The following CACNA1E variants were observed in gnomAD, a reference collection of about 807,000 sequenced individuals.
The protein encoded by CACNA1E is calcium voltage-gated channel subunit alpha1 E, also known as voltage-dependent R-type calcium channel subunit alpha-1E.
In CACNA1E, 40 loss-of-function variants were observed where a neutral mutation model predicts 259.2. The ratio of observed to expected loss-of-function variants is 0.15; its 90% CI spans 0.12 to 0.20. The LOEUF (loss-of-function observed/expected upper bound fraction) is 0.20. Among genes scored for constraint, CACNA1E ranks in the 10% least tolerant of loss-of-function variants. CACNA1E has a pLI of 1.00. For synonymous variants in CACNA1E, 1,104 were observed against 1,138.5 expected (o/e 0.97, Z 0.61); for missense variants, 1,874 against 3,040.1 (o/e 0.62, Z 9.02).
intron 1 of CACNA1E, among the ~76,000 whole-genome samples, chr1:181,377,340 G>A (rs1655173912): frequency 6.6e-6 from 1 of 152,160 alleles, no homozygotes; most frequent in Non-Finnish European, 1.5e-5. Context: ...GATTGTGTGA[G>A]CAAAGGCCAG....
chr1:181,693,537 A>G, intron 7 of CACNA1E, among the ~76,000 whole-genome samples: 1 of 152,222 alleles, frequency 6.6e-6, no homozygotes, highest in Non-Finnish European at 1.5e-5. Context: ...CATTAACTTA[A>G]GTGAATTAAT....
chr1:181,513,887 G>T (rs992810219), intron 3 of CACNA1E, among the ~76,000 whole-genome samples: 1 of 152,126 alleles, frequency 6.6e-6, no homozygotes, highest in South Asian at 2.1e-4. Context: ...CCTTCTTAGT[G>T]GCTCTTCAGA....
At chr1:181,720,671 G>A in intron 14 of CACNA1E, 112 bp from the exon 15 acceptor site, 1 of 716,976 alleles carries the variant, frequency 1.4e-6, no homozygotes, top group Non-Finnish European at 2.5e-6. Context: ...TAGGGAAGAG[G>A]GGGGTTGTAG....
At chr1:181,777,770 C>T (rs368343398) in intron 38 of CACNA1E, among the ~76,000 whole-genome samples, 4 of 152,256 alleles carry the variant, frequency 2.6e-5, no homozygotes, top group Admixed American at 1.3e-4. Context: ...AATAACCACA[C>T]GGGAATGCTA....
At chr1:181,620,363 T>C (rs1043249550) in intron 6 of CACNA1E, among the ~76,000 whole-genome samples, 2 of 152,214 alleles carry the variant, frequency 1.3e-5, no homozygotes, top group African/African-American at 4.8e-5. Flanking sequence ...TAAACTCACC[T>C]GGATAATGTC....
At chr1:181,530,260 C>A (rs1171893936) in intron 3 of CACNA1E, among the ~76,000 whole-genome samples, 1 of 152,208 alleles carries the variant, frequency 6.6e-6, no homozygotes, top group Non-Finnish European at 1.5e-5. Context: ...TCTGAGGCCT[C>A]CCCAGCCATG....
rs1046420005 is a variant in CACNA1E, at chr1:181,325,645, A to T, written c.-15+7522A>T. Among the ~76,000 whole-genome samples the T allele has an allele frequency of 2.7e-5, 4 of 150,630 alleles. No homozygotes were observed. The Middle Eastern group carries it at 0.014, about 516-fold the overall frequency. On this transcript the variant is annotated intron_variant, in intron 1 of 11. Coordinates refer to the CACNA1E transcript ENST00000524607. ...TGCCAGAAACTAGTTTTTTATTTTT[A>T]TTTATTTATTTATTTATTTTTAAAT...
At chr1:181,529,720 G>T (rs1558092450) in intron 3 of CACNA1E, among the ~76,000 whole-genome samples, 1 of 152,210 alleles carries the variant, frequency 6.6e-6, no homozygotes, top group South Asian at 2.1e-4. Context: ...TTTCGGATTT[G>T]CATGGGCCCT....
chr1:181,755,903 T>A, intron 28 of CACNA1E, 53 bp from the exon 29 acceptor site: 1 of 1,574,322 alleles, frequency 6.4e-7, no homozygotes, highest in Non-Finnish European at 8.7e-7. Context: ...CTGACTCTTC[T>A]GTAGAATGAG....
chr1:181,461,419 T>C (rs1269586108), intron 2 of CACNA1E, among the ~76,000 whole-genome samples: 3 of 151,286 alleles, frequency 2.0e-5, no homozygotes, highest in Non-Finnish European at 2.9e-5. Flanking sequence ...CGGGCGCCTG[T>C]AGACCCAGCT....
At chr1:181,656,886 G>A (rs896656212) in intron 7 of CACNA1E, among the ~76,000 whole-genome samples, 1 of 152,076 alleles carries the variant, frequency 6.6e-6, no homozygotes, top group African/African-American at 2.4e-5. Flanking sequence ...TGCTGTATAG[G>A]TTTACAGCCT....
At chr1:181,684,601 A>G (rs1013559739) in intron 7 of CACNA1E, among the ~76,000 whole-genome samples, 2 of 152,104 alleles carry the variant, frequency 1.3e-5, no homozygotes, top group African/African-American at 4.8e-5. Flanking sequence ...TAGGGTTTTC[A>G]TAGTTTTAAG....
At chr1:181,784,579 T>C in intron 40 of CACNA1E, 82 bp from the exon 41 acceptor site, 1 of 892,402 alleles carries the variant, frequency 1.1e-6, no homozygotes, top group Non-Finnish European at 1.8e-6. Context: ...GCCCTGCTGA[T>C]TCAGCTCCTA....
At chr1:181,666,796 G>A (rs1391145139) in intron 7 of CACNA1E, among the ~76,000 whole-genome samples, 1 of 152,004 alleles carries the variant, frequency 6.6e-6, no homozygotes, top group African/African-American at 2.4e-5. Flanking sequence ...AGTGTAAAGT[G>A]TCATTTCAAA....
At chr1:181,611,525 G>T (rs1356343568) in intron 6 of CACNA1E, among the ~76,000 whole-genome samples, 1 of 152,052 alleles carries the variant, frequency 6.6e-6, no homozygotes. Context: ...TTTTGGGCAG[G>T]TGCACCTCTA....
In CACNA1E at chr1:181,484,001, T is replaced by C; in HGVS notation, c.257T>C (p.Ile86Thr). Residue 86 changes from isoleucine to threonine, a missense_variant, in exon 1 of 48, where the codon ATC (isoleucine) becomes ACC (threonine). Transcript: ENST00000367573. The part of the protein sequence containing the change: ...NIVRKYAKKL[I>T]DWPPFEYMIL... The stretch of plus-strand genomic sequence containing the variant: ...GTCAGGAAATATGCCAAGAAGCTCA[T>C]CGATTGGCCATATCCTTTCTTGCCC... 1 of 1,613,720 alleles carries C rather than the reference T, an allele frequency of 6.2e-7. No homozygotes were observed. Among genetic ancestry groups the C allele is most frequent in the Middle Eastern group, 1.6e-4 (1 of 6,062 alleles).
At chr1:181,550,614 CAG>C (rs1326622077) in intron 3 of CACNA1E, among the ~76,000 whole-genome samples, 1 of 151,920 alleles carries the variant, frequency 6.6e-6, no homozygotes, top group Non-Finnish European at 1.5e-5. Flanking sequence ...AAAGAGTTTC[CAG>C]AAGGGAATGG....
At chr1:181,640,528 A>G (rs1657652445) in intron 6 of CACNA1E, among the ~76,000 whole-genome samples, 1 of 152,224 alleles carries the variant, frequency 6.6e-6, no homozygotes, top group Admixed American at 6.5e-5. Context: ...AGACTTACAT[A>G]GTGTTTGATA....
Position 181,343,221 on chromosome 1 carries a change from G to A in CACNA1E, c.-15+25098G>A, listed in dbSNP as rs375248377. On this transcript the variant is annotated intron_variant, in intron 1 of 11. Transcript: ENST00000524607. ...GGGAGAGAGAAAGAATGCTGCTTTC[G>A]TTCTGTCAAGTTTGAGAGGCTGATA... Among the ~76,000 whole-genome samples, 53 of 152,160 alleles carry A rather than the reference G, an allele frequency of 3.5e-4. 1 individual carries two copies. The highest frequency in any genetic ancestry group is 1.4e-3 in the Admixed American group (22 of 15,282).
Sources: gnomAD v4.1 joint callset for allele counts (sites outside exome capture counted in the v4.1 genomes callset) on GRCh38, gnomAD v4.1.1 for gene constraint, MANE v1.5 for transcripts, NCBI Gene and HGNC (gene_info 2026-07-23, HGNC 2026-07-21) for gene names.